RGS7: variants seen among roughly 807,000 people sequenced by gnomAD.
The protein encoded by RGS7 is regulator of G protein signaling 7.
In RGS7, 27 loss-of-function variants were observed where a neutral mutation model predicts 81.1. The observed-to-expected ratio is 0.33, with a 90% CI of 0.25 to 0.46. The LOEUF is 0.46. Ranked by LOEUF, RGS7 falls within the 20% of genes least tolerant of loss-of-function variation. The pLI is 1.00. For missense variants in RGS7, 396 were observed against 607.4 expected (o/e 0.65, Z 3.66); for synonymous variants, 208 against 207.7 (o/e 1.00, Z -0.01).
chr1:241,113,835 C>T (rs1175017299), intron 2 of RGS7, among the ~76,000 whole-genome samples: 1 of 152,180 alleles, frequency 6.6e-6, no homozygotes, highest in Non-Finnish European at 1.5e-5. Flanking sequence ...GACGCTATTT[C>T]TAAGAGTGCA....
At chr1:240,946,731 G>A (rs749208669) in intron 4 of RGS7, among the ~76,000 whole-genome samples, 3 of 152,158 alleles carry the variant, frequency 2.0e-5, no homozygotes, top group Non-Finnish European at 4.4e-5. Context: ...TAGGGGAGGT[G>A]GGGGACTGGG....
At chr1:241,225,725 A>AAAGTATGAATACTTTCTTGAGCTTGGT (rs2075278879) in intron 2 of RGS7, among the ~76,000 whole-genome samples, 5 of 152,232 alleles carry the variant, frequency 3.3e-5, no homozygotes, top group Non-Finnish European at 7.3e-5. Flanking sequence ...AGAGAGGGTG[A>AAAGTATGAATACTTTCTTGAGCTTGGT]AAGTATGAAT....
At chr1:241,176,780 T>C (rs1419491127) in intron 2 of RGS7, among the ~76,000 whole-genome samples, 2 of 152,024 alleles carry the variant, frequency 1.3e-5, no homozygotes, top group Non-Finnish European at 2.9e-5. Context: ...GAGGGAAAGA[T>C]GGACAAACAG....
intron 2 of RGS7, among the ~76,000 whole-genome samples, chr1:241,121,940 G>A (rs1462009516): frequency 2.6e-5 from 4 of 151,972 alleles, no homozygotes; most frequent in African/African-American, 7.2e-5. Context: ...CCGAGCTTAC[G>A]CATTTCTCCC....
chr1:240,868,129 A>AAG lies in RGS7; in HGVS notation c.609+457_609+458insCT, dbSNP rs1438498485. Among the ~76,000 whole-genome samples, 25 of 116,356 alleles carry AAG rather than the reference A, an allele frequency of 2.1e-4. No homozygotes were observed. Among genetic ancestry groups the AAG allele is most frequent in the African/African-American group, 1.0e-3 (20 of 19,076 alleles). 76.3% of individuals were successfully genotyped at this position (116,356 alleles called of 152,430 possible). A position where few individuals can be genotyped will look rare whatever the true frequency, so the allele number is the denominator to read the frequency against. On this transcript the variant is annotated intron_variant, in intron 9 of 18. Coordinates refer to ENST00000440928, the MANE Select transcript of RGS7 (RefSeq NM_001364886.1). This position sits in a 1 kb window ranked among gnomAD's most constrained non-coding sequence, Gnocchi z 5.1. ...AAAGAAAAGAAAAGGAAAGAAAGAAAGAAAGAAAGAAAGAAAGAAAGAAAG... is the reference window on the plus strand; with the variant it reads ...AAAGAAAAGAAAAGGAAAGAAAGAAAAGGAAAGAAAGAAAGAAAGAAAGAAAG...
At chr1:241,334,229 C>T (rs910215991) in intron 2 of RGS7, among the ~76,000 whole-genome samples, 3 of 152,088 alleles carry the variant, frequency 2.0e-5, no homozygotes, top group African/African-American at 7.2e-5. Context: ...TTATGAAGAT[C>T]GTGGTTAACT....
chr1:240,973,230 T>G (rs10926388), intron 4 of RGS7, among the ~76,000 whole-genome samples: 64,327 of 151,960 alleles, frequency 0.42, 14,023 homozygotes, highest in East Asian at 0.68. Flanking sequence ...GTAAAATAAT[T>G]TAATTAAGGC....
chr1:240,916,225 C>A (rs1572744716), intron 6 of RGS7, among the ~76,000 whole-genome samples: 2 of 145,086 alleles, frequency 1.4e-5, no homozygotes, highest in East Asian at 2.0e-4. Flanking sequence ...TGCAGTGAGC[C>A]AAGATCATGC....
intron 3 of RGS7, among the ~76,000 whole-genome samples, chr1:241,063,957 GCGGATCA>G (rs1422313262): frequency 6.6e-6 from 1 of 151,732 alleles, no homozygotes; most frequent in East Asian, 1.9e-4. Flanking sequence ...GCCAAGGTGG[GCGGATCA>G]CCTGAGGCTG....
chr1:240,849,977 G>A (rs899219808), intron 9 of RGS7, among the ~76,000 whole-genome samples: 1 of 152,192 alleles, frequency 6.6e-6, no homozygotes, highest in African/African-American at 2.4e-5. Flanking sequence ...CCAAGAGGCA[G>A]GAAGGTGTTG....
intron 18 of RGS7, among the ~76,000 whole-genome samples, chr1:240,798,892 G>A (rs1377629964): frequency 6.6e-6 from 1 of 152,076 alleles, no homozygotes; most frequent in Non-Finnish European, 1.5e-5. Context: ...AGAGCAACCT[G>A]TGTAGAGGAT....
At chr1:241,292,079 T>G (rs1202221532) in intron 2 of RGS7, among the ~76,000 whole-genome samples, 1 of 152,100 alleles carries the variant, frequency 6.6e-6, no homozygotes, top group East Asian at 1.9e-4. Context: ...TCCACCTCCA[T>G]GTCTTGTCCT....
intron 2 of RGS7, among the ~76,000 whole-genome samples, chr1:241,160,021 AG>A (rs1397029804): frequency 6.8e-6 from 1 of 146,254 alleles, no homozygotes; most frequent in Non-Finnish European, 1.5e-5. Flanking sequence ...TGTCAGAAAT[AG>A]GGTTTTAATC....
rs552940159 is a variant in RGS7 at position 241,166,976 on chromosome 1, C to G, written c.79-68214G>C. On this transcript the variant is annotated intron_variant, in intron 2 of 18. Transcript: ENST00000440928. ...TGTGTTAATTGCTATGAAATACTTTCTGGCCTGTGTTTCCCATCCTCTTCC... is the reference window on the plus strand; with the variant it reads ...TGTGTTAATTGCTATGAAATACTTTGTGGCCTGTGTTTCCCATCCTCTTCC... Among the ~76,000 whole-genome samples, 4 of 152,326 alleles carry G rather than the reference C, an allele frequency of 2.6e-5. 1 individual carries two copies. In the South Asian group the frequency reaches 8.3e-4, roughly 32 times the overall value.
chr1:241,005,994 T>C (rs1265089180), intron 3 of RGS7, among the ~76,000 whole-genome samples: 1 of 152,206 alleles, frequency 6.6e-6, no homozygotes, highest in Non-Finnish European at 1.5e-5. Context: ...TTATAAAAAA[T>C]GCTATGAACA....
chr1:240,880,149 C>T (rs1666126408), intron 6 of RGS7, among the ~76,000 whole-genome samples: 1 of 152,182 alleles, frequency 6.6e-6, no homozygotes, highest in South Asian at 2.1e-4. Flanking sequence ...TTAAGTAATC[C>T]TCCTGCCTCA....
intron 2 of RGS7, among the ~76,000 whole-genome samples, chr1:241,218,018 CATAA>C (rs1274048966): frequency 1.3e-5 from 2 of 152,136 alleles, no homozygotes; most frequent in African/African-American, 4.8e-5. Flanking sequence ...TGAAACTATA[CATAA>C]ATAGATATAT....
Position 240,932,969 on chromosome 1 carries a change from C to T in RGS7, c.334-2201G>A, listed in dbSNP as rs373061948. The stretch of plus-strand genomic sequence containing the variant: ...CGCGATCTCGGCTCACTGCAAGCTC[C>T]GCCTCCCGGGTTCACGCCATTCTCC... On this transcript the variant is annotated intron_variant, in intron 5 of 18. Transcript: ENST00000440928. 2.2e-4 allele frequency among the ~76,000 whole-genome samples: 32 copies of T among 145,144 alleles called. 1 individual carries two copies. The highest frequency in any genetic ancestry group is 8.7e-4 in the South Asian group (4 of 4,580).
intron 3 of RGS7, among the ~76,000 whole-genome samples, chr1:241,032,064 G>A (rs60131175): frequency 6.6e-6 from 1 of 152,214 alleles, no homozygotes; most frequent in Non-Finnish European, 1.5e-5. Context: ...GCAATATCCA[G>A]AAGAGTTTTC....
Sources: gnomAD v4.1 joint callset for allele counts (sites outside exome capture counted in the v4.1 genomes callset) on GRCh38, gnomAD v4.1.1 for gene constraint, Gnocchi (gnomAD v3.1) non-coding constraint, MANE v1.5 for transcripts, NCBI Gene and HGNC (gene_info 2026-07-23, HGNC 2026-07-21) for gene names.